Variants in PRKN observed in about 807,000 individuals in gnomAD.
PRKN encodes parkin RBR E3 ubiquitin protein ligase.
In PRKN, 56 loss-of-function variants were observed where a neutral mutation model predicts 59.5. The ratio of observed to expected loss-of-function variants is 0.94; its 90% CI spans 0.76 to 1.18. The LOEUF is 1.18. Ranked by LOEUF, PRKN falls within the 50% of genes most tolerant of loss-of-function variation. The probability of loss-of-function intolerance (pLI) is 0.00; values close to 1 mark genes in which losing one functional copy is unlikely to be tolerated. For missense variants in PRKN, 657 were observed against 596.4 expected (o/e 1.10, Z -1.06); for synonymous variants, 250 against 222.1 (o/e 1.13, Z -1.12).
chr6:161,833,252 G>T (rs749466900), intron 6 of PRKN, among the ~76,000 whole-genome samples: 1 of 152,108 alleles, frequency 6.6e-6, no homozygotes, highest in Non-Finnish European at 1.5e-5. Flanking sequence ...ATGGGGCACC[G>T]CCAGATACAG....
intron 7 of PRKN, among the ~76,000 whole-genome samples, chr6:161,618,334 T>C (rs2128149531): frequency 6.6e-6 from 1 of 152,298 alleles, no homozygotes; most frequent in East Asian, 1.9e-4. Flanking sequence ...ACAACTTCAA[T>C]AAGCAATGCA....
In PRKN at chr6:161,399,370, T is replaced by C. The variant is rs1206348960; in HGVS notation, c.1084-12493A>G. Among the ~76,000 whole-genome samples, 2 of 152,196 alleles carry C rather than the reference T, an allele frequency of 1.3e-5. No individual in the cohort carries two copies. The highest frequency in any genetic ancestry group is 1.5e-5 in the Non-Finnish European group (1 of 68,042). ...GAGGGTCCACTGAGCTGTTTAACAC[T>C]TAAGCTGTCTGCAGACAGCAAAATT... is the stretch of plus-strand genomic sequence containing the variant. On this transcript the variant is annotated intron_variant, in intron 9 of 11. Coordinates refer to ENST00000366898, the MANE Select transcript of PRKN (RefSeq NM_004562.3). The surrounding 1 kb of genome is among the most constrained non-coding windows in gnomAD (Gnocchi z 4.4).
chr6:162,354,165 G>A (rs543308128), intron 2 of PRKN, among the ~76,000 whole-genome samples: 3 of 152,178 alleles, frequency 2.0e-5, no homozygotes, highest in Admixed American at 1.3e-4. Context: ...ATTCTCAACC[G>A]AAGAGGAAGG....
intron 6 of PRKN, among the ~76,000 whole-genome samples, chr6:161,793,609 G>A (rs1295676692): frequency 1.3e-5 from 2 of 151,434 alleles, no homozygotes; most frequent in African/African-American, 2.4e-5. Context: ...ACAGTCTATA[G>A]AGTTGAAGAC....
chr6:161,949,337 C>T (rs977448031), intron 6 of PRKN, among the ~76,000 whole-genome samples: 11 of 152,232 alleles, frequency 7.2e-5, no homozygotes, highest in Admixed American at 6.5e-4. Flanking sequence ...ATGGTGAAAC[C>T]CCATCTCTAC....
rs1787993860 is a variant in PRKN, at chr6:161,419,501, C to T, written c.1084-32624G>A. On this transcript the variant is annotated intron_variant, in intron 9 of 11. Transcript: ENST00000366898. This position sits in a 1 kb window ranked among gnomAD's most constrained non-coding sequence, Gnocchi z 4.1. ...CTCCTGGGTTCAAGCAATTCCCCTGCCTCAGCCTCCTGAGTAGCTGGGATT... is the reference window on the plus strand; with the variant it reads ...CTCCTGGGTTCAAGCAATTCCCCTGTCTCAGCCTCCTGAGTAGCTGGGATT... Among the ~76,000 whole-genome samples, 1 of 152,084 alleles carries T rather than the reference C, an allele frequency of 6.6e-6. No homozygotes were observed. Among genetic ancestry groups the T allele is most frequent in the Non-Finnish European group, 1.5e-5 (1 of 68,018 alleles).
At chr6:162,469,828 A>G (rs1057208866) in intron 1 of PRKN, among the ~76,000 whole-genome samples, 2 of 152,100 alleles carry the variant, frequency 1.3e-5, no homozygotes, top group South Asian at 2.1e-4. Context: ...AATCGCTACT[A>G]AAGAACTTAC....
chr6:161,464,608 A>G (rs183420090), intron 9 of PRKN, among the ~76,000 whole-genome samples: 124 of 152,212 alleles, frequency 8.1e-4, no homozygotes, highest in Non-Finnish European at 1.5e-3. Context: ...CACCTAGCCT[A>G]AGGAAATCAT....
chr6:162,675,232 TAG>T (rs1779495129), intron 1 of PRKN, among the ~76,000 whole-genome samples: 1 of 151,956 alleles, frequency 6.6e-6, no homozygotes, highest in African/African-American at 2.4e-5. Context: ...GTATTTTTAG[TAG>T]AGATAGGGTT....
chr6:162,107,826 T>C (rs549211314), intron 4 of PRKN, among the ~76,000 whole-genome samples: 1 of 152,180 alleles, frequency 6.6e-6, no homozygotes, highest in East Asian at 1.9e-4. Flanking sequence ...TTCCATAAAC[T>C]TTTCCTATTT....
chr6:162,575,469 GC>G (rs951267173), intron 1 of PRKN, among the ~76,000 whole-genome samples: 1 of 152,132 alleles, frequency 6.6e-6, no homozygotes, highest in Non-Finnish European at 1.5e-5. Flanking sequence ...CTTCCTGAGA[GC>G]ACATGCCGCT....
chr6:162,208,872 C>A (rs1433218728), intron 3 of PRKN, among the ~76,000 whole-genome samples: 1 of 152,038 alleles, frequency 6.6e-6, no homozygotes, highest in African/African-American at 2.4e-5. Flanking sequence ...GAGGCAGCAC[C>A]TATGGGAAAA....
intron 6 of PRKN, among the ~76,000 whole-genome samples, chr6:161,836,286 A>G (rs1279611518): frequency 6.6e-6 from 1 of 152,206 alleles, no homozygotes; most frequent in Non-Finnish European, 1.5e-5. Context: ...TACTCATCCC[A>G]GCAGCATGCA....
At chr6:162,136,120 A>G (rs554186368) in intron 4 of PRKN, among the ~76,000 whole-genome samples, 6 of 149,536 alleles carry the variant, frequency 4.0e-5, no homozygotes, top group South Asian at 2.1e-4. Context: ...AAATATATAT[A>G]AATAAATATA....
chr6:162,010,587 T>TATATA (rs1562456162), intron 5 of PRKN, among the ~76,000 whole-genome samples: 1 of 6,854 alleles, frequency 1.5e-4, no homozygotes, highest in South Asian at 4.5e-3. Flanking sequence ...TATTATATTA[T>TATATA]ATATAATATA....
chr6:162,235,066 G>A (rs1197194259), intron 3 of PRKN, among the ~76,000 whole-genome samples: 1 of 152,198 alleles, frequency 6.6e-6, no homozygotes, highest in Non-Finnish European at 1.5e-5. Context: ...AAAAGGATTA[G>A]TATGTTATTT....
chr6:162,702,484 C>T (rs938280590), intron 1 of PRKN, among the ~76,000 whole-genome samples: 4 of 151,832 alleles, frequency 2.6e-5, no homozygotes, highest in African/African-American at 7.3e-5. Flanking sequence ...GATTTTCTCC[C>T]TCAGCCCTCC....
rs373046766 is a variant in PRKN at position 162,380,866 on chromosome 6, T to A, written c.171+62444A>T. 2.5e-4 allele frequency among the ~76,000 whole-genome samples: 38 copies of A among 152,182 alleles called. No homozygotes were observed. The South Asian group carries it at 7.9e-3, about 32-fold the overall frequency. ...GAAGTAAGGTGTTTAAGAGTCTGTA[T>A]CACTGGACCTATGGGCAGTCTTTCT... On this transcript the variant is annotated intron_variant, in intron 2 of 11. Coordinates refer to ENST00000366898, the MANE Select transcript of PRKN (RefSeq NM_004562.3).
At chr6:162,032,917 G>A (rs986170071) in intron 5 of PRKN, among the ~76,000 whole-genome samples, 2 of 152,144 alleles carry the variant, frequency 1.3e-5, no homozygotes, top group African/African-American at 4.8e-5. Context: ...TGTTTGAAGT[G>A]CTTTCCAAGA....
Sources: gnomAD v4.1 joint callset for allele counts (sites outside exome capture counted in the v4.1 genomes callset) on GRCh38, gnomAD v4.1.1 for gene constraint, Gnocchi (gnomAD v3.1) non-coding constraint, MANE v1.5 for transcripts, NCBI Gene and HGNC (gene_info 2026-07-23, HGNC 2026-07-21) for gene names.